The following WHRN variants were observed in gnomAD, a reference collection of about 807,000 sequenced individuals.
The protein encoded by WHRN is whirlin, also known as CASK-interacting protein CIP98.
In WHRN, 41 loss-of-function variants were observed where a neutral mutation model predicts 68.3. The observed-to-expected ratio is 0.60, with a 90% confidence interval of 0.47 to 0.78. WHRN has a LOEUF of 0.78. Ranked by LOEUF, WHRN falls within the 30% of genes least tolerant of loss-of-function variation. WHRN has a pLI of 0.00. For synonymous variants in WHRN, 560 were observed against 561.3 expected (o/e 1.00, Z 0.03); for missense variants, 1,243 against 1,244.7 (o/e 1.00, Z 0.02).
intron 1 of WHRN, chr9:114,491,657 T>C (rs2133315506): frequency 4.2e-6 from 1 of 239,686 alleles, no homozygotes; most frequent in Non-Finnish European, 8.8e-6. Flanking sequence ...GACAGGCTTT[T>C]TGCCGCCACC....
chr9:114,466,300 G>T lies in WHRN; in HGVS notation c.930C>A (p.Asp310Glu). 6.2e-7 allele frequency: 1 copy of T among 1,614,096 alleles called. No individual in the cohort carries two copies. Residue 310 changes from aspartate (D) to glutamate (E), a missense_variant, in exon 3 of 12, where the codon GAC (aspartate) becomes GAA (glutamate). Coordinates refer to ENST00000362057, the MANE Select transcript of WHRN (RefSeq NM_015404.4). ...CGCTGCCTTCTGCTTCAGAGCCTGG[G>T]TCCACGCCAGTGATGTAAATGCCAA... The part of the protein sequence containing the change: ...YGLGIYITGV[D>E]PGSEAEGSGL...
chr9:114,504,172 C>A lies in WHRN; in HGVS notation c.618+12G>T, dbSNP rs769857372. Reference sequence around the variant, plus strand: ...TACTCTGCCCCAGACTCTCTCCAAACCACAGCCTTACCTTGACGGCCTCCG... The same window carrying A: ...TACTCTGCCCCAGACTCTCTCCAAAACACAGCCTTACCTTGACGGCCTCCG... On this transcript the variant is annotated intron_variant, in intron 1 of 11. Transcript: ENST00000362057. 1.9e-6 allele frequency: 3 copies of A among 1,614,106 alleles called. No individual in the cohort carries two copies. The Admixed American group carries it at 5.0e-5, about 27-fold the overall frequency.
chr9:114,429,591 AGCCAGG>A (rs1312860682), intron 3 of WHRN, among the ~76,000 whole-genome samples: 3 of 152,230 alleles, frequency 2.0e-5, no homozygotes, highest in Non-Finnish European at 4.4e-5. Context: ...CCGGTTGAGA[AGCCAGG>A]GCCCCTGAGA....
chr9:114,424,156 G>A (rs189319211), intron 6 of WHRN, among the ~76,000 whole-genome samples, 178 bp downstream of exon 6: 3 of 152,330 alleles, frequency 2.0e-5, no homozygotes, highest in African/African-American at 7.2e-5. Context: ...TTAAATGTCT[G>A]TTTCCCCCAG....
At chr9:114,413,695 C>T (rs1835617676) in intron 7 of WHRN, among the ~76,000 whole-genome samples, 1 of 152,186 alleles carries the variant, frequency 6.6e-6, no homozygotes, top group African/African-American at 2.4e-5. Context: ...GCTGAGATCA[C>T]AAGAACAACC....
At chr9:114,492,078 T>C (rs1361667218) in intron 1 of WHRN, among the ~76,000 whole-genome samples, 1 of 152,016 alleles carries the variant, frequency 6.6e-6, no homozygotes, top group East Asian at 1.9e-4. Context: ...AGGATACCTT[T>C]TTGTCTAACA....
intron 3 of WHRN, among the ~76,000 whole-genome samples, chr9:114,454,142 G>C (rs1413333570): frequency 6.6e-6 from 1 of 152,180 alleles, no homozygotes; most frequent in Non-Finnish European, 1.5e-5. Context: ...AGTATCCACA[G>C]AAAATCCCAC....
At position 114,504,798 on chromosome 9, in the gene WHRN, T is replaced by C; in HGVS notation, c.4A>G (p.Asn2Asp). 6.9e-7 allele frequency: 1 copy of C among 1,442,350 alleles called. No individual in the cohort carries two copies. Among genetic ancestry groups the C allele is most frequent in the Non-Finnish European group, 9.0e-7 (1 of 1,111,330 alleles). The allele number at this position is 1,442,350 out of a possible 1,614,324, so 89.3% of individuals were successfully genotyped here. The change falls in exon 1 of 12, where the codon AAC becomes GAC. Residue 2 changes from asparagine (N) to aspartate (D), a missense_variant. Asn to Asp is a conservative substitution (Grantham distance 23). Coordinates refer to ENST00000362057, the MANE Select transcript of WHRN (RefSeq NM_015404.4). M[N>D]APLDGLSVSS... is the part of the protein sequence containing the mutation. ...ACCGACAGGCCGTCCAGCGGCGCGTTCATCTCCACGCCGAGGCCCGGCCGG... is the reference window on the plus strand; with the variant it reads ...ACCGACAGGCCGTCCAGCGGCGCGTCCATCTCCACGCCGAGGCCCGGCCGG...
chr9:114,477,413 G>A (rs78456534), intron 2 of WHRN, among the ~76,000 whole-genome samples: 1 of 152,304 alleles, frequency 6.6e-6, no homozygotes, highest in East Asian at 1.9e-4. Context: ...AGAGAGAAGG[G>A]TAAGATATCA....
chr9:114,485,172 C>A (rs770797695), intron 1 of WHRN, among the ~76,000 whole-genome samples: 1 of 152,186 alleles, frequency 6.6e-6, no homozygotes, highest in Non-Finnish European at 1.5e-5. Context: ...TTTCTCTTTT[C>A]GGAAACAGAG....
intron 4 of WHRN, chr9:114,425,750 G>A (rs897873700): frequency 1.9e-5 from 5 of 270,162 alleles, no homozygotes; most frequent in African/African-American, 1.1e-4. Context: ...TGGCAACTAT[G>A]CAGCCACCTG....
intron 5 of WHRN, 126 bp downstream of exon 5, chr9:114,424,861 TG>T: frequency 9.5e-7 from 1 of 1,057,042 alleles, no homozygotes; most frequent in Non-Finnish European, 1.5e-6. Flanking sequence ...GGCTGGGGGG[TG>T]GGCAGATAAG....
At chr9:114,475,540 G>A (rs138055900) in intron 2 of WHRN, among the ~76,000 whole-genome samples, 32 of 152,268 alleles carry the variant, frequency 2.1e-4, no homozygotes, top group African/African-American at 7.7e-4. Context: ...GATGGCATAA[G>A]GATTTTCAGG....
intron 3 of WHRN, among the ~76,000 whole-genome samples, chr9:114,457,893 G>A (rs981120176): frequency 4.8e-5 from 7 of 147,112 alleles, no homozygotes; most frequent in African/African-American, 1.8e-4. Flanking sequence ...TCCAGCCTGG[G>A]CAACAGAGCC....
chr9:114,413,621 A>G (rs1835611742), intron 7 of WHRN, among the ~76,000 whole-genome samples: 2 of 152,202 alleles, frequency 1.3e-5, no homozygotes, highest in African/African-American at 4.8e-5. Context: ...GAAAGGTCAG[A>G]GGTGCAGAAT....
chr9:114,467,460 T>C (rs373668586), intron 2 of WHRN, among the ~76,000 whole-genome samples: 7 of 150,388 alleles, frequency 4.7e-5, no homozygotes, highest in Admixed American at 1.3e-4. Flanking sequence ...GGGGGGTGCT[T>C]CCTGGAGAAA....
chr9:114,409,810 G>A (rs1163966845), intron 7 of WHRN, among the ~76,000 whole-genome samples: 2 of 151,748 alleles, frequency 1.3e-5, no homozygotes, highest in African/African-American at 2.4e-5. Flanking sequence ...AGCTAAAATC[G>A]TAACCTTCCC....
chr9:114,475,532 T>C (rs749902238), intron 2 of WHRN, among the ~76,000 whole-genome samples: 2 of 152,182 alleles, frequency 1.3e-5, no homozygotes, highest in Non-Finnish European at 2.9e-5. Flanking sequence ...CTCCAGGGGA[T>C]GGCATAAGGA....
Position 114,403,897 on chromosome 9 carries a change from G to T in WHRN, c.2417C>A (p.Pro806Gln). ...TGCATCCTCCTCCTCCTGGCTCACC[G>T]GTTTGTTGGCCCCATCTGTGGGCCT... is the stretch of plus-strand genomic sequence containing the variant. Reference protein sequence around the residue: ...NERPTDGANKPPGLLEPTSTL... With the variant: ...NERPTDGANKQPGLLEPTSTL... The change falls in exon 10 of 12, where the codon CCG becomes CAG. Residue 806 changes from proline (P) to glutamine (Q), a missense_variant and splice_region_variant. Transcript: ENST00000362057. 1 of 1,610,500 alleles carries T rather than the reference G, an allele frequency of 6.2e-7. No individual in the cohort carries two copies.
Sources: gnomAD v4.1 joint callset for allele counts (sites outside exome capture counted in the v4.1 genomes callset) on GRCh38, gnomAD v4.1.1 for gene constraint, MANE v1.5 for transcripts, NCBI Gene and HGNC (gene_info 2026-07-23, HGNC 2026-07-21) for gene names.